PYGB: variants seen among roughly 807,000 people sequenced by gnomAD.
The protein encoded by PYGB is glycogen phosphorylase, brain form.
Under a neutral mutation model 94.3 loss-of-function variants are expected in PYGB, and 82 were observed. That is an observed-to-expected ratio of 0.87 (90% CI 0.73 to 1.04). The LOEUF (loss-of-function observed/expected upper bound fraction) is 1.04. PYGB is among the 50% of genes least tolerant of loss of function. The probability of loss-of-function intolerance (pLI) is 0.00; values close to 1 mark genes in which losing one functional copy is unlikely to be tolerated. For missense variants in PYGB, 1,132 were observed against 1,158.2 expected, an observed-to-expected ratio of 0.98 and a Z score of 0.33; for synonymous variants, 488 against 479.1, an observed-to-expected ratio of 1.02 and a Z score of -0.24.
intron 5 of PYGB, among the ~76,000 whole-genome samples, chr20:25,275,772 G>T (rs2088305626): frequency 6.6e-6 from 1 of 152,226 alleles, no homozygotes; most frequent in African/African-American, 2.4e-5. Flanking sequence ...GATGGAAGGG[G>T]CTAGAATGCC....
chr20:25,278,480 G>A lies in PYGB; in HGVS notation c.999+18G>A. The A allele has an allele frequency of 6.2e-7, 1 of 1,613,088 alleles. No individual in the cohort carries two copies. The highest frequency in any genetic ancestry group is 8.5e-7 in the Non-Finnish European group (1 of 1,179,186). On this transcript the variant is annotated intron_variant, in intron 8 of 19. Transcript: ENST00000216962. Reference sequence around the variant, plus strand: ...CAGACAAGGTGCATGGTGGCCCTGGGAGGGATCTCAGTGCCAGGGGCTGGG... The same window carrying A: ...CAGACAAGGTGCATGGTGGCCCTGGAAGGGATCTCAGTGCCAGGGGCTGGG...
At chr20:25,260,847 A>G (rs6037071) in intron 2 of PYGB, among the ~76,000 whole-genome samples, 9,891 of 152,330 alleles carry the variant, frequency 0.065, 991 homozygotes, top group African/African-American at 0.22. Context: ...CACCAGGCTC[A>G]GAGGGTCCCA....
chr20:25,256,495 CAAA>C (rs1240050396), intron 1 of PYGB, among the ~76,000 whole-genome samples: 1 of 120,124 alleles, frequency 8.3e-6, no homozygotes, highest in Non-Finnish European at 1.7e-5. Context: ...AACTCTGTCT[CAAA>C]AAAAAAAAAA....
chr20:25,274,185 C>T (rs1325546568), intron 4 of PYGB, among the ~76,000 whole-genome samples: 6 of 152,242 alleles, frequency 3.9e-5, no homozygotes, highest in African/African-American at 1.4e-4. Context: ...ACACCCAGCC[C>T]CTGACAGCCT....
chr20:25,270,198 T>G lies in PYGB; in HGVS notation c.424+991T>G, dbSNP rs200503879. On this transcript the variant is annotated intron_variant, in intron 3 of 19. Coordinates refer to ENST00000216962, the MANE Select transcript of PYGB (RefSeq NM_002862.4). ...TTTTTAATCCTGAAGTTTTTTTTGT[T>G]TTGTTTTGTTTTTTTTTTTTTTGAG... Among the ~76,000 whole-genome samples the G allele has an allele frequency of 5.0e-3, 151 of 30,414 alleles. 3 individuals carry two copies. Among genetic ancestry groups the G allele is most frequent in the African/African-American group, 0.028 (146 of 5,288 alleles). 20.0% of individuals were successfully genotyped at this position (30,414 alleles called of 152,430 possible).
intron 1 of PYGB, among the ~76,000 whole-genome samples, chr20:25,251,972 C>T (rs1182125973): frequency 6.6e-6 from 1 of 152,222 alleles, no homozygotes; most frequent in South Asian, 2.1e-4. Context: ...GCAGACCCTT[C>T]TGCTCTGTGA....
At chr20:25,288,787 G>A (rs896602913) in intron 15 of PYGB, among the ~76,000 whole-genome samples, 1 of 152,174 alleles carries the variant, frequency 6.6e-6, no homozygotes, top group Non-Finnish European at 1.5e-5. Context: ...GTGGGCACAG[G>A]GCGTTGTGGC....
chr20:25,250,736 A>G (rs1482734103), intron 1 of PYGB, among the ~76,000 whole-genome samples: 1 of 152,214 alleles, frequency 6.6e-6, no homozygotes. Context: ...GGCACACTGC[A>G]GACTGTGGTA....
Position 25,248,120 on chromosome 20 carries a change from C to T in PYGB, c.-59C>T. 2 of 1,489,116 alleles carry T rather than the reference C, an allele frequency of 1.3e-6. No homozygotes were observed. 92.2% of individuals were successfully genotyped at this position (1,489,116 alleles called of 1,614,324 possible). ...CGCCAGAGCAGCTGCACCATCCCGG[C>T]GTTCGCGTGTGCCGCCGCTTTCCTC... On this transcript the variant is annotated 5_prime_UTR_variant, in exon 1 of 20. Coordinates refer to ENST00000216962, the MANE Select transcript of PYGB (RefSeq NM_002862.4).
chr20:25,289,663 AAAG>A (rs1303070475), intron 15 of PYGB, among the ~76,000 whole-genome samples: 1 of 152,154 alleles, frequency 6.6e-6, no homozygotes, highest in African/African-American at 2.4e-5. Flanking sequence ...AAGAAAAAAA[AAAG>A]AAGGAAACAT....
intron 2 of PYGB, among the ~76,000 whole-genome samples, chr20:25,265,719 C>T (rs920196893): frequency 1.3e-5 from 2 of 151,864 alleles, no homozygotes; most frequent in South Asian, 2.1e-4. Context: ...CTCAGTCTCC[C>T]GAGTAGCTGG....
At chr20:25,257,675 T>A (rs1423401044) in intron 1 of PYGB, among the ~76,000 whole-genome samples, 1 of 152,114 alleles carries the variant, frequency 6.6e-6, no homozygotes, top group Non-Finnish European at 1.5e-5. Flanking sequence ...TAAAAAAAAA[T>A]ATACATTTTT....
chr20:25,295,558 C>T (rs754166234), intron 18 of PYGB, 46 bp from the exon 19 acceptor site: 1 of 1,574,242 alleles, frequency 6.4e-7, no homozygotes, highest in Non-Finnish European at 8.7e-7. Context: ...ACAGTGTGGG[C>T]AGGGCTCCCT....
chr20:25,249,231 T>A (rs772429242), intron 1 of PYGB, among the ~76,000 whole-genome samples: 1 of 152,146 alleles, frequency 6.6e-6, no homozygotes, highest in Non-Finnish European at 1.5e-5. Context: ...ATAATGCACA[T>A]ACAGTTTTTT....
intron 1 of PYGB, among the ~76,000 whole-genome samples, chr20:25,253,591 C>T (rs575647188): frequency 2.0e-5 from 3 of 151,202 alleles, no homozygotes; most frequent in Admixed American, 1.3e-4. Context: ...GCCAAGACTG[C>T]GCCATTGCAC....
chr20:25,270,187 G>A (rs1478421459), intron 3 of PYGB, among the ~76,000 whole-genome samples: 7 of 130,140 alleles, frequency 5.4e-5, no homozygotes, highest in Non-Finnish European at 1.1e-4. Context: ...TAATCCTGAA[G>A]TTTTTTTTGT....
At chr20:25,248,712 C>G (rs1446654597) in intron 1 of PYGB, among the ~76,000 whole-genome samples, 1 of 152,244 alleles carries the variant, frequency 6.6e-6, no homozygotes, top group African/African-American at 2.4e-5. Context: ...GCGGACGTTC[C>G]CGGTCTCTTT....
Position 25,296,693 on chromosome 20 carries a change from G to A in PYGB, c.*171G>A. The A allele has an allele frequency of 3.4e-6, 3 of 870,446 alleles. No individual in the cohort carries two copies. The highest frequency in any genetic ancestry group is 3.4e-6 in the Non-Finnish European group (2 of 585,646). 53.9% of individuals were successfully genotyped at this position (870,446 alleles called of 1,614,324 possible). A position where few individuals can be genotyped will look rare whatever the true frequency, so the allele number is the denominator to read the frequency against. On this transcript the variant is annotated 3_prime_UTR_variant, in exon 20 of 20. Transcript: ENST00000216962. ...GGTTTTGAGAGAGCAGGGTAAGGAAGGAATGTGCTAGAAGTGCTCCTAGTT... is the reference window on the plus strand; with the variant it reads ...GGTTTTGAGAGAGCAGGGTAAGGAAAGAATGTGCTAGAAGTGCTCCTAGTT...
chr20:25,296,844 A>ACAT lies in PYGB; in HGVS notation c.*324_*326dup. 5.9e-6 allele frequency: 2 copies of ACAT among 337,360 alleles called. No homozygotes were observed. Among genetic ancestry groups the ACAT allele is most frequent in the Non-Finnish European group, 1.1e-5 (2 of 181,976 alleles). The allele number at this position is 337,360 out of a possible 1,614,324, so 20.9% of individuals were successfully genotyped here. ...GCTGGGCTCCCCCAGAACTTTGCAC[A>ACAT]CATCTTGCTATGTATTAGCCGATGT... On this transcript the variant is annotated 3_prime_UTR_variant, in exon 20 of 20. Coordinates refer to ENST00000216962, the MANE Select transcript of PYGB (RefSeq NM_002862.4).
Sources: gnomAD v4.1 joint callset for allele counts (sites outside exome capture counted in the v4.1 genomes callset) on GRCh38, gnomAD v4.1.1 for gene constraint, MANE v1.5 for transcripts, NCBI Gene and HGNC (gene_info 2026-07-23, HGNC 2026-07-21) for gene names.